KHDRBS3: variants seen among roughly 807,000 people sequenced by gnomAD.
KHDRBS3 encodes the protein KH RNA binding domain containing, signal transduction associated 3, also known as KH domain-containing, RNA-binding, signal transduction-associated protein 3.
A neutral mutation model predicts 45.6 loss-of-function variants in KHDRBS3; 23 were observed. That is an observed-to-expected ratio of 0.50 (90% confidence interval 0.36 to 0.72). The LOEUF (loss-of-function observed/expected upper bound fraction) is 0.72. Ranked by LOEUF, KHDRBS3 falls within the 30% of genes least tolerant of loss-of-function variation. The pLI is 0.00. For synonymous variants in KHDRBS3, 162 were observed against 156.5 expected (o/e 1.04, Z -0.26); for missense variants, 352 against 424.8 (o/e 0.83, Z 1.51).
intron 7 of KHDRBS3, among the ~76,000 whole-genome samples, chr8:135,636,762 C>T (rs1830831301): frequency 6.6e-6 from 1 of 152,196 alleles, no homozygotes; most frequent in Admixed American, 6.5e-5. Context: ...ACATGGACAG[C>T]AGTCTGTGCA....
rs143338943 is a variant in KHDRBS3, at chr8:135,632,083, C to A, written c.891-12976C>A. On this transcript the variant is annotated intron_variant, in intron 7 of 8. Coordinates refer to ENST00000355849, the MANE Select transcript of KHDRBS3 (RefSeq NM_006558.3). ...ATATATACACATGCGCACACACTTC[C>A]TCTACAAAACCCAAAGCCAAAGTGT... Among the ~76,000 whole-genome samples, 713 of 152,330 alleles carry A rather than the reference C, an allele frequency of 4.7e-3. 2 individuals are homozygous for A. Among genetic ancestry groups the A allele is most frequent in the African/African-American group, 0.016 (685 of 41,570 alleles).
chr8:135,545,388 T>G (rs747613715), intron 3 of KHDRBS3, among the ~76,000 whole-genome samples: 1 of 152,146 alleles, frequency 6.6e-6, no homozygotes, highest in African/African-American at 2.4e-5. Flanking sequence ...GAAGGCTCTG[T>G]GGCATTTCAG....
At chr8:135,591,296 T>C (rs1034116014) in intron 6 of KHDRBS3, among the ~76,000 whole-genome samples, 13 of 152,250 alleles carry the variant, frequency 8.5e-5, no homozygotes, top group Admixed American at 6.5e-4. Flanking sequence ...AAAGTTATTA[T>C]ACAGAATTTT....
At chr8:135,610,320 CTG>C (rs1829658358) in intron 7 of KHDRBS3, among the ~76,000 whole-genome samples, 1 of 151,876 alleles carries the variant, frequency 6.6e-6, no homozygotes, top group South Asian at 2.1e-4. Flanking sequence ...CATGATGAAA[CTG>C]AGGCTCAGAG....
At chr8:135,573,687 ATAAT>A (rs1482812459) in intron 5 of KHDRBS3, among the ~76,000 whole-genome samples, 1 of 151,960 alleles carries the variant, frequency 6.6e-6, no homozygotes, top group Non-Finnish European at 1.5e-5. Flanking sequence ...TGTAAACTAA[ATAAT>A]TCATTTCTGA....
chr8:135,624,171 G>A (rs910848329), intron 7 of KHDRBS3, among the ~76,000 whole-genome samples: 4 of 152,104 alleles, frequency 2.6e-5, no homozygotes, highest in African/African-American at 9.7e-5. Context: ...GGCTTTCACT[G>A]ACCACTCCCT....
chr8:135,528,115 C>T (rs1825284472), intron 2 of KHDRBS3, among the ~76,000 whole-genome samples: 1 of 152,130 alleles, frequency 6.6e-6, no homozygotes, highest in Admixed American at 6.6e-5. Flanking sequence ...TAAGCATTCT[C>T]ATCTGTGTAC....
intron 4 of KHDRBS3, chr8:135,549,684 A>G (rs776732577): frequency 1.3e-5 from 2 of 152,252 alleles, no homozygotes; most frequent in Non-Finnish European, 2.9e-5. Flanking sequence ...AATTTATTTT[A>G]GAGAAGCTGA....
intron 2 of KHDRBS3, among the ~76,000 whole-genome samples, chr8:135,537,059 A>G (rs1224843761): frequency 6.6e-6 from 1 of 151,262 alleles, no homozygotes; most frequent in African/African-American, 2.4e-5. Context: ...CATGTATTAA[A>G]CGCCCTCTCT....
intron 7 of KHDRBS3, among the ~76,000 whole-genome samples, chr8:135,614,146 C>T (rs1180167323): frequency 1.3e-5 from 2 of 151,844 alleles, no homozygotes; most frequent in African/African-American, 4.9e-5. Context: ...AAGATTTTGA[C>T]ACAGTTACTA....
intron 1 of KHDRBS3, among the ~76,000 whole-genome samples, chr8:135,483,107 G>C (rs1454396290): frequency 6.6e-6 from 1 of 151,970 alleles, no homozygotes; most frequent in East Asian, 1.9e-4. Context: ...CCCCAACCCT[G>C]TATCTCTTTT....
chr8:135,459,436 A>T (rs1389395839), intron 1 of KHDRBS3, among the ~76,000 whole-genome samples: 2 of 152,270 alleles, frequency 1.3e-5, no homozygotes, highest in Non-Finnish European at 1.5e-5. Context: ...CCTAAATAAA[A>T]GAAAAAAAAT....
At chr8:135,621,670 G>A (rs1405657391) in intron 7 of KHDRBS3, among the ~76,000 whole-genome samples, 1 of 149,448 alleles carries the variant, frequency 6.7e-6, no homozygotes, top group East Asian at 2.0e-4. Context: ...ATTCTACCAG[G>A]CAAACCAGAA....
intron 4 of KHDRBS3, among the ~76,000 whole-genome samples, chr8:135,653,236 A>G (rs1831465797): frequency 6.6e-6 from 1 of 152,176 alleles, no homozygotes; most frequent in African/African-American, 2.4e-5. Context: ...CAAGACTTGA[A>G]GTTCCTTAAA....
chr8:135,601,902 T>C (rs1158225344), intron 6 of KHDRBS3, among the ~76,000 whole-genome samples: 2 of 152,140 alleles, frequency 1.3e-5, no homozygotes, highest in African/African-American at 2.4e-5. Context: ...TAAAACTATG[T>C]AAATGAGAAA....
At chr8:135,554,334 A>G (rs762540056) in intron 4 of KHDRBS3, among the ~76,000 whole-genome samples, 3 of 152,110 alleles carry the variant, frequency 2.0e-5, no homozygotes, top group Admixed American at 6.6e-5. Context: ...ACTTCATACA[A>G]TTTAGTATTA....
intron 7 of KHDRBS3, among the ~76,000 whole-genome samples, chr8:135,620,652 G>A (rs529617822): frequency 2.6e-5 from 4 of 152,272 alleles, no homozygotes; most frequent in South Asian, 4.1e-4. Flanking sequence ...GTGCAAACAG[G>A]ACAATTTGCC....
At chr8:135,474,504 C>T (rs761505588) in intron 1 of KHDRBS3, among the ~76,000 whole-genome samples, 4 of 152,154 alleles carry the variant, frequency 2.6e-5, no homozygotes, top group Non-Finnish European at 5.9e-5. Flanking sequence ...TTATTTAACA[C>T]CATTGGTCCA....
At chr8:135,478,899 A>G (rs757581462) in intron 1 of KHDRBS3, among the ~76,000 whole-genome samples, 38 of 152,232 alleles carry the variant, frequency 2.5e-4, no homozygotes, top group Non-Finnish European at 4.1e-4. Flanking sequence ...CCATCTTAAG[A>G]CACTGGAGAG....
Sources: allele counts gnomAD v4.1 joint callset (sites outside exome capture counted in the v4.1 genomes callset), GRCh38; gene constraint gnomAD v4.1.1; transcripts MANE v1.5; gene names NCBI Gene and HGNC (gene_info 2026-07-23, HGNC 2026-07-21).